The following FYTTD1 variants were observed in gnomAD, a reference collection of about 807,000 sequenced individuals.
FYTTD1 encodes forty-two-three domain containing 1.
A neutral mutation model predicts 40.9 loss-of-function variants in FYTTD1; 22 were observed. The observed-to-expected ratio is 0.54, with a 90% CI of 0.38 to 0.77. The LOEUF (loss-of-function observed/expected upper bound fraction) is 0.77. Among genes scored for constraint, FYTTD1 ranks in the 30% least tolerant of loss-of-function variants. The pLI, the probability that FYTTD1 is intolerant of heterozygous loss-of-function variation, is 0.00. For missense variants in FYTTD1, 351 were observed against 392.2 expected, an observed-to-expected ratio of 0.90 and a Z score of 0.89; for synonymous variants, 140 against 137.9, an observed-to-expected ratio of 1.01 and a Z score of -0.10.
intron 8 of FYTTD1, among the ~76,000 whole-genome samples, chr3:197,779,598 A>G (rs1729967813): frequency 1.4e-5 from 2 of 141,358 alleles, no homozygotes; most frequent in African/African-American, 5.4e-5. Flanking sequence ...TGGCATAATC[A>G]TAGCTCACTG....
At chr3:197,751,405 G>A (rs1350047668) in intron 1 of FYTTD1, among the ~76,000 whole-genome samples, 1 of 151,950 alleles carries the variant, frequency 6.6e-6, no homozygotes, top group Non-Finnish European at 1.5e-5. Flanking sequence ...CTTTGAAGGC[G>A]GAGGCGGAGG....
At chr3:197,773,339 T>C (rs1339826167) in intron 4 of FYTTD1, 64 bp from the exon 5 acceptor site, 1 of 983,482 alleles carries the variant, frequency 1.0e-6, no homozygotes. Context: ...TTTTTGCTTA[T>C]TTTTCCTCAA....
intron 4 of FYTTD1, among the ~76,000 whole-genome samples, chr3:197,772,809 A>G (rs1346178118): frequency 6.6e-6 from 1 of 152,098 alleles, no homozygotes; most frequent in Non-Finnish European, 1.5e-5. Flanking sequence ...GGGTTTTACC[A>G]TGTTACCCAG....
At chr3:197,749,539 G>A (rs370130066), upstream of FYTTD1, 22 of 1,291,088 alleles carry the variant, frequency 1.7e-5, no homozygotes, top group East Asian at 2.2e-4. Flanking sequence ...CCGAGGCTGC[G>A]TTGCGGTGGG....
rs1730125511 is a variant in FYTTD1 at position 197,785,085 on chromosome 3, A to C, written c.*3176A>C. The C allele has an allele frequency of 6.6e-6, 1 of 152,246 alleles. No homozygotes were observed. Among genetic ancestry groups the C allele is most frequent in the Non-Finnish European group, 1.5e-5 (1 of 68,040 alleles). 9.4% of individuals were successfully genotyped at this position (152,246 alleles called of 1,614,324 possible). ...ATGCTTTAGCATTTTTAGCATGGTA[A>C]GTAAATCTATTCTACCAGTGATGGT... On this transcript the variant is annotated 3_prime_UTR_variant, in exon 9 of 9. Coordinates refer to ENST00000241502, the MANE Select transcript of FYTTD1 (RefSeq NM_032288.7).
chr3:197,750,937 AC>A, intron 1 of FYTTD1: 1 of 757,244 alleles, frequency 1.3e-6, no homozygotes, highest in Non-Finnish European at 1.6e-6. Flanking sequence ...CTACCGAGGC[AC>A]CAGCCGCTGT....
Position 197,785,812 on chromosome 3 carries a change from T to C in FYTTD1, c.*3903T>C, listed in dbSNP as rs1324391908. 1 of 152,154 alleles carries C rather than the reference T, an allele frequency of 6.6e-6. No individual in the cohort carries two copies. Among genetic ancestry groups the C allele is most frequent in the Admixed American group, 6.5e-5 (1 of 15,280 alleles). 9.4% of individuals were successfully genotyped at this position (152,154 alleles called of 1,614,324 possible). ...AAAATAATTCATTTCTGATCAGTAG[T>C]GCTTTCAGTTTTCATCAGAATTATT... On this transcript the variant is annotated 3_prime_UTR_variant, in exon 9 of 9. Coordinates refer to ENST00000241502, the MANE Select transcript of FYTTD1 (RefSeq NM_032288.7).
intron 1 of FYTTD1, among the ~76,000 whole-genome samples, chr3:197,753,942 A>G (rs967602356): frequency 2.7e-4 from 41 of 152,132 alleles, no homozygotes; most frequent in Admixed American, 7.9e-4. Flanking sequence ...GGGTTTCACC[A>G]TATTAGCCAG....
intron 1 of FYTTD1, among the ~76,000 whole-genome samples, chr3:197,751,953 C>T (rs1168684647): frequency 1.3e-5 from 2 of 149,956 alleles, no homozygotes; most frequent in South Asian, 2.1e-4. Context: ...GTCGCTGCAA[C>T]CTCCGCCTCC....
chr3:197,771,213 A>G (rs183282541), intron 4 of FYTTD1, among the ~76,000 whole-genome samples: 1 of 152,260 alleles, frequency 6.6e-6, no homozygotes, highest in Non-Finnish European at 1.5e-5. Flanking sequence ...GAAAAGAAAA[A>G]TTATGATCTG....
chr3:197,763,436 T>A, intron 2 of FYTTD1: 1 of 374,898 alleles, frequency 2.7e-6, no homozygotes, highest in South Asian at 1.9e-5. Flanking sequence ...AAAAAGTTTT[T>A]ATTTTAATTG....
chr3:197,760,031 G>C (rs1470060063), intron 2 of FYTTD1, among the ~76,000 whole-genome samples: 9 of 151,350 alleles, frequency 5.9e-5, no homozygotes, highest in Non-Finnish European at 1.3e-4. Context: ...AGAATGTATG[G>C]AGTTGTTCTT....
chr3:197,760,407 A>G (rs1729346078), intron 2 of FYTTD1, among the ~76,000 whole-genome samples: 1 of 152,012 alleles, frequency 6.6e-6, no homozygotes, highest in Non-Finnish European at 1.5e-5. Flanking sequence ...CTTCAGTGGT[A>G]GAATGTATAG....
rs1450601379 is a variant in FYTTD1 at position 197,782,766 on chromosome 3, A to G, written c.*857A>G. 2 of 152,258 alleles carry G rather than the reference A, an allele frequency of 1.3e-5. No individual in the cohort carries two copies. The highest frequency in any genetic ancestry group is 4.8e-5 in the African/African-American group (2 of 41,456). The allele number at this position is 152,258 out of a possible 1,614,324, so 9.4% of individuals were successfully genotyped here. A position where few individuals can be genotyped will look rare whatever the true frequency, so the allele number is the denominator to read the frequency against. ...GCATAGTCTTGAGTCTAGCGTCCACAAAGAATTATTCAAATGATATTTAGA... is the reference window on the plus strand; with the variant it reads ...GCATAGTCTTGAGTCTAGCGTCCACGAAGAATTATTCAAATGATATTTAGA... On this transcript the variant is annotated 3_prime_UTR_variant, in exon 9 of 9. Transcript: ENST00000241502.
At chr3:197,772,816 C>G (rs999677640) in intron 4 of FYTTD1, among the ~76,000 whole-genome samples, 1 of 152,060 alleles carries the variant, frequency 6.6e-6, no homozygotes, top group African/African-American at 2.4e-5. Flanking sequence ...ACCATGTTAC[C>G]CAGGCTGGTC....
At chr3:197,774,944 G>A (rs1729833468) in intron 6 of FYTTD1, among the ~76,000 whole-genome samples, 1 of 152,216 alleles carries the variant, frequency 6.6e-6, no homozygotes, top group South Asian at 2.1e-4. Context: ...ATCTTGTTTT[G>A]TCCTTTGTTA....
At position 197,777,983 on chromosome 3, in the gene FYTTD1, A is replaced by T. The variant is rs115094610; in HGVS notation, c.732-355A>T. ...TGCCTTGGCCTCCCAAAGTACCGGG[A>T]TTATAGGCCCGAGCCACAGTGCCTA... On this transcript the variant is annotated intron_variant, in intron 7 of 8. Transcript: ENST00000241502. Among the ~76,000 whole-genome samples, 1,485 of 152,208 alleles carry T rather than the reference A, an allele frequency of 9.8e-3. 28 individuals carry two copies. The highest frequency in any genetic ancestry group is 0.034 in the African/African-American group (1,423 of 41,508).
chr3:197,778,385 C>A lies in FYTTD1; in HGVS notation c.779C>A (p.Thr260Lys), dbSNP rs1560501128. Residue 260 changes from threonine (T) to lysine (K), a missense_variant, in exon 8 of 9, where the codon ACA (threonine) becomes AAA (lysine). Thr to Lys is a moderately conservative substitution (Grantham distance 78). Transcript: ENST00000241502. ...LTRTAVPSFL[T>K]KREQSDVKKV... ...CGTACTGCTGTACCTTCATTTTTAA[C>A]AAAGCGGGAGCAAAGTGACGTCAAG... 1 of 1,611,876 alleles carries A rather than the reference C, an allele frequency of 6.2e-7. No homozygotes were observed. Among genetic ancestry groups the A allele is most frequent in the Non-Finnish European group, 8.5e-7 (1 of 1,178,320 alleles).
intron 2 of FYTTD1, among the ~76,000 whole-genome samples, chr3:197,764,386 G>A (rs949837964): frequency 1.3e-5 from 2 of 152,154 alleles, no homozygotes; most frequent in Non-Finnish European, 2.9e-5. Context: ...TAGAAAGGTG[G>A]GAGAACGAAT....
Sources: allele counts gnomAD v4.1 joint callset (sites outside exome capture counted in the v4.1 genomes callset), GRCh38; gene constraint gnomAD v4.1.1; transcripts MANE v1.5; gene names NCBI Gene and HGNC (gene_info 2026-07-23, HGNC 2026-07-21).